TBX20: variants seen among roughly 807,000 people sequenced by gnomAD.
TBX20 encodes T-box transcription factor 20, also known as T-box transcription factor TBX20.
TBX20 carries 8 observed loss-of-function variants against 42.9 expected under a neutral mutation model. The observed-to-expected ratio is 0.19, with a 90% CI of 0.11 to 0.34. The LOEUF is 0.34. Ranked by LOEUF, TBX20 falls within the 10% of genes least tolerant of loss-of-function variation. The pLI is 1.00. For synonymous variants in TBX20, 198 were observed against 222.8 expected (o/e 0.89, Z 0.99); for missense variants, 411 against 566.0 (o/e 0.73, Z 2.78).
intron 6 of TBX20, among the ~76,000 whole-genome samples, chr7:35,206,139 G>T (rs1159484047): frequency 6.6e-6 from 1 of 152,226 alleles, no homozygotes; most frequent in African/African-American, 2.4e-5. Flanking sequence ...GGACTTGAAG[G>T]ATTAGAGTAG....
In TBX20 at chr7:35,253,761, C is replaced by T. The variant is rs1387399561; in HGVS notation, c.-141G>A. On this transcript the variant is annotated 5_prime_UTR_variant, in exon 1 of 8. Transcript: ENST00000408931. ...GGGCCAGGGACTCCAGAAGTGTCAG[C>T]TCCAACGACTCCAGAGCTGCACACT... 3.1e-5 allele frequency: 31 copies of T among 1,013,398 alleles called. No homozygotes were observed. The highest frequency in any genetic ancestry group is 2.6e-5 in the Non-Finnish European group (18 of 698,884). 62.8% of individuals were successfully genotyped at this position (1,013,398 alleles called of 1,614,324 possible).
chr7:35,250,191 T>G lies in TBX20; in HGVS notation c.140A>C (p.Glu47Ala), dbSNP rs2128716171. The G allele has an allele frequency of 6.2e-7, 1 of 1,614,026 alleles. No homozygotes were observed. Among genetic ancestry groups the G allele is most frequent in the Non-Finnish European group, 8.5e-7 (1 of 1,180,006 alleles). ...NTIKPLEQFV[E>A]KSSCAQPLGE... ...CAGGGGCTGGGCACAGGACGACTTC[T>G]CCACAAATTGCTCTGGAGGTAAAGA... Residue 47 changes from glutamate to alanine, a missense_variant, in exon 2 of 8, where the codon GAG (glutamate) becomes GCG (alanine). Glu to Ala is a moderately radical substitution (Grantham distance 107). This residue lies in a region of TBX20 where 114 missense variants were observed against 128.0 expected (regional missense o/e 0.89). Transcript: ENST00000408931.
At chr7:35,216,532 C>T (rs1419593533) in intron 6 of TBX20, among the ~76,000 whole-genome samples, 2 of 152,268 alleles carry the variant, frequency 1.3e-5, no homozygotes, top group Non-Finnish European at 2.9e-5. Flanking sequence ...GTACCTGACA[C>T]ATAAGTGCTC....
intron 6 of TBX20, among the ~76,000 whole-genome samples, chr7:35,213,066 ACC>A: frequency 6.6e-6 from 1 of 151,794 alleles, no homozygotes; most frequent in African/African-American, 2.4e-5. Context: ...CATGGTCTAT[ACC>A]CCCTCAGGAA....
At chr7:35,218,002 G>A (rs1789619291) in intron 6 of TBX20, among the ~76,000 whole-genome samples, 1 of 152,190 alleles carries the variant, frequency 6.6e-6, no homozygotes, top group African/African-American at 2.4e-5. Flanking sequence ...TTACAGGCGT[G>A]AGCCATTGCG....
At chr7:35,228,957 G>C (rs1789822845) in intron 6 of TBX20, among the ~76,000 whole-genome samples, 1 of 152,110 alleles carries the variant, frequency 6.6e-6, no homozygotes, top group Admixed American at 6.6e-5. Context: ...TACCTCAATG[G>C]GAGCTAGTAA....
rs1790250717 is a variant in TBX20 at position 35,248,917 on chromosome 7, G to A, written c.381-76C>T. ...CTGACCTGAATTAGGAAGAGAGGAA[G>A]GGAGGGAGGGAAGGAGGGAAAGGGT... On this transcript the variant is annotated intron_variant, in intron 2 of 7. Transcript: ENST00000408931. 1.7e-5 allele frequency: 27 copies of A among 1,577,492 alleles called. No homozygotes were observed. The South Asian group carries it at 2.6e-4, about 15-fold the overall frequency.
At chr7:35,228,632 C>A (rs1330786130) in intron 6 of TBX20, among the ~76,000 whole-genome samples, 1 of 152,032 alleles carries the variant, frequency 6.6e-6, no homozygotes, top group Non-Finnish European at 1.5e-5. Context: ...GAACACTGTG[C>A]CTTTGTGTAC....
At chr7:35,203,956 A>C (rs1789350846) in intron 7 of TBX20, among the ~76,000 whole-genome samples, 1 of 152,218 alleles carries the variant, frequency 6.6e-6, no homozygotes, top group African/African-American at 2.4e-5. Flanking sequence ...GAACAGAGAA[A>C]CTTTGTTCAG....
chr7:35,223,931 G>C (rs1432579844), intron 6 of TBX20, among the ~76,000 whole-genome samples: 1 of 152,126 alleles, frequency 6.6e-6, no homozygotes, highest in Non-Finnish European at 1.5e-5. Flanking sequence ...AGAGAATATT[G>C]CTGTAGTCCT....
intron 7 of TBX20, 75 bp downstream of exon 7, chr7:35,204,395 C>T: frequency 1.8e-5 from 17 of 955,906 alleles, no homozygotes; most frequent in Non-Finnish European, 2.7e-5. Flanking sequence ...CTGGCCATCT[C>T]ATCAACGACC....
At chr7:35,238,741 C>G (rs988389812) in intron 5 of TBX20, among the ~76,000 whole-genome samples, 59 of 152,202 alleles carry the variant, frequency 3.9e-4, no homozygotes, top group African/African-American at 1.4e-3. Flanking sequence ...TAAACCCCAA[C>G]TTTTAGTTTG....
intron 6 of TBX20, among the ~76,000 whole-genome samples, chr7:35,215,573 G>A (rs1040678244): frequency 5.3e-5 from 8 of 152,172 alleles, no homozygotes; most frequent in Non-Finnish European, 1.0e-4. Context: ...GCAACAGACT[G>A]TAGTTTTAGT....
At chr7:35,207,799 T>C (rs1789424497) in intron 6 of TBX20, among the ~76,000 whole-genome samples, 1 of 152,200 alleles carries the variant, frequency 6.6e-6, no homozygotes, top group African/African-American at 2.4e-5. Context: ...GATGTGTTCG[T>C]GGAACTTGAC....
intron 3 of TBX20, among the ~76,000 whole-genome samples, chr7:35,248,179 G>A (rs1790231169): frequency 6.6e-6 from 1 of 152,022 alleles, no homozygotes; most frequent in African/African-American, 2.4e-5. Context: ...AACCTTTATT[G>A]GTCAAAAACA....
In TBX20 at chr7:35,250,189, T is replaced by C; in HGVS notation, c.142A>G (p.Lys48Glu). ...TIKPLEQFVE[K>E]SSCAQPLGEL... ...CCCAGGGGCTGGGCACAGGACGACT[T>C]CTCCACAAATTGCTCTGGAGGTAAA... is the stretch of plus-strand genomic sequence containing the variant. Residue 48 changes from lysine (K) to glutamate (E), a missense_variant, in exon 2 of 8, where the codon AAG becomes GAG. This residue lies in a region of TBX20 where 114 missense variants were observed against 128.0 expected (regional missense o/e 0.89). Transcript: ENST00000408931. The C allele has an allele frequency of 6.2e-7, 1 of 1,613,980 alleles. No individual in the cohort carries two copies. Among genetic ancestry groups the C allele is most frequent in the African/African-American group, 1.3e-5 (1 of 75,006 alleles).
chr7:35,248,987 G>GTT, intron 2 of TBX20, 146 bp from the exon 3 acceptor site: 6 of 806,252 alleles, frequency 7.4e-6, no homozygotes, highest in Non-Finnish European at 1.2e-5. Context: ...CTTTTGTTTT[G>GTT]TTTAAAGCCT....
intron 4 of TBX20, 144 bp from the exon 5 acceptor site, chr7:35,241,181 G>C (rs545942022): frequency 4.0e-5 from 28 of 693,080 alleles, no homozygotes; most frequent in Non-Finnish European, 4.6e-5. Flanking sequence ...CAGCCTTAAG[G>C]CAAATCATTT....
chr7:35,225,009 TA>T (rs1220897976), intron 6 of TBX20, among the ~76,000 whole-genome samples: 2 of 152,032 alleles, frequency 1.3e-5, no homozygotes, highest in African/African-American at 4.8e-5. Flanking sequence ...AAGATATTTT[TA>T]AAAGTATAAC....
Sources: allele counts gnomAD v4.1 joint callset (sites outside exome capture counted in the v4.1 genomes callset), GRCh38; gene constraint gnomAD v4.1.1; regional missense constraint gnomAD v4.1.1; transcripts MANE v1.5; gene names NCBI Gene and HGNC (gene_info 2026-07-23, HGNC 2026-07-21).